Variants in CLVS1 observed in about 807,000 individuals in gnomAD.
CLVS1 encodes clavesin-1.
In CLVS1, 10 loss-of-function variants were observed where a neutral mutation model predicts 33.1. That is an observed-to-expected ratio of 0.30 (90% confidence interval 0.19 to 0.51). CLVS1 has a LOEUF of 0.51. Among genes scored for constraint, CLVS1 ranks in the 20% least tolerant of loss-of-function variants. CLVS1 has a pLI of 0.97. For synonymous variants in CLVS1, 163 were observed against 166.1 expected, an observed-to-expected ratio of 0.98 and a Z score of 0.14; for missense variants, 343 against 433.4, an observed-to-expected ratio of 0.79 and a Z score of 1.85.
rs1201610095 is a variant in CLVS1 at position 61,501,133 on chromosome 8, A to AAAT, written c.*1597_*1599dup. ...TTTGTGTAGACATACGAAATCACAA[A>AAAT]AATAATAACACTGAAATAATTCTAC... On this transcript the variant is annotated 3_prime_UTR_variant, in exon 6 of 6. Coordinates refer to ENST00000325897, the MANE Select transcript of CLVS1 (RefSeq NM_173519.3). 3.3e-5 allele frequency: 5 copies of AAAT among 152,226 alleles called. No homozygotes were observed. The highest frequency in any genetic ancestry group is 5.9e-5 in the Non-Finnish European group (4 of 68,018). The allele number at this position is 152,226 out of a possible 1,614,324, so 9.4% of individuals were successfully genotyped here. A position where few individuals can be genotyped will look rare whatever the true frequency, so the allele number is the denominator to read the frequency against.
chr8:61,287,992 C>T lies in CLVS1; in HGVS notation c.-298C>T. 2.4e-6 allele frequency: 1 copy of T among 413,192 alleles called. No individual in the cohort carries two copies. Among genetic ancestry groups the T allele is most frequent in the South Asian group, 1.8e-5 (1 of 55,306 alleles). 25.6% of individuals were successfully genotyped at this position (413,192 alleles called of 1,614,324 possible). On this transcript the variant is annotated 5_prime_UTR_variant, in exon 1 of 6. Coordinates refer to ENST00000325897, the MANE Select transcript of CLVS1 (RefSeq NM_173519.3). ...CACGCCTCCTACCAAAATCACAGCCCCTTGTGGAGCCCGAGCTCTCATTCA... is the reference window on the plus strand; with the variant it reads ...CACGCCTCCTACCAAAATCACAGCCTCTTGTGGAGCCCGAGCTCTCATTCA...
chr8:61,017,555 G>A, the CLVS1 span, among the ~76,000 whole-genome samples: 5 of 152,326 alleles, frequency 3.3e-5, no homozygotes, highest in South Asian at 2.1e-4. Flanking sequence ...GAATGAAGCC[G>A]TATTAGTGTA....
chr8:61,467,963 C>T (rs1817611273), intron 5 of CLVS1, among the ~76,000 whole-genome samples: 1 of 151,830 alleles, frequency 6.6e-6, no homozygotes, highest in South Asian at 2.1e-4. Flanking sequence ...CGCTGGCTAC[C>T]GAAAACATTG....
At chr8:61,216,853 T>C (rs1364624459) in intron 2 of CLVS1, among the ~76,000 whole-genome samples, 1 of 152,154 alleles carries the variant, frequency 6.6e-6, no homozygotes, top group Non-Finnish European at 1.5e-5. Flanking sequence ...GGTGTTCTTT[T>C]TTTATGTCAG....
chr8:61,052,425 G>T (rs984747390), upstream of CLVS1, among the ~76,000 whole-genome samples: 1 of 152,168 alleles, frequency 6.6e-6, no homozygotes, highest in African/African-American at 2.4e-5. Flanking sequence ...GGGTTTGCAG[G>T]GTTAGACAGG....
rs568097006 is a variant in CLVS1, at chr8:61,458,577, C to G, written c.977+35C>G. The G allele has an allele frequency of 2.1e-6, 3 of 1,397,544 alleles. No homozygotes were observed. The East Asian group carries it at 7.3e-5, about 34-fold the overall frequency. The allele number at this position is 1,397,544 out of a possible 1,614,324, so 86.6% of individuals were successfully genotyped here. On this transcript the variant is annotated intron_variant, in intron 5 of 5. Transcript: ENST00000325897. ...GGGTTATCAGAGCCCCCCCCCCAGT[C>G]AGAGGTCAATGGAATTTTTTATTTG...
intron 3 of CLVS1, among the ~76,000 whole-genome samples, chr8:61,409,227 C>G (rs1458399695): frequency 6.6e-6 from 1 of 152,130 alleles, no homozygotes; most frequent in African/African-American, 2.4e-5. Context: ...AAGAGGTAGT[C>G]AGCAAAATGT....
chr8:61,044,815 C>G, the CLVS1 span, among the ~76,000 whole-genome samples: 2 of 152,112 alleles, frequency 1.3e-5, no homozygotes, highest in Admixed American at 6.5e-5. Context: ...TGCATGGGTT[C>G]TGGGGAAGTG....
At chr8:61,432,952 A>T (rs1816170661) in intron 3 of CLVS1, among the ~76,000 whole-genome samples, 1 of 152,134 alleles carries the variant, frequency 6.6e-6, no homozygotes, top group Non-Finnish European at 1.5e-5. Context: ...AAAGGAAAAA[A>T]GGGGAGGAGG....
In CLVS1 at chr8:61,466,306, A is replaced by T. The variant is rs554270930; in HGVS notation, c.977+7764A>T. On this transcript the variant is annotated intron_variant, in intron 5 of 5. Transcript: ENST00000325897. The stretch of plus-strand genomic sequence containing the variant: ...ATTCTAGGGACTCAGTAATGGCCAC[A>T]AGAACCAGGTTCTCTCCACTGTGTC... 2.6e-5 allele frequency among the ~76,000 whole-genome samples: 4 copies of T among 152,326 alleles called. No individual in the cohort carries two copies. The East Asian group carries it at 7.7e-4, about 29-fold the overall frequency.
chr8:61,347,625 A>ATT (rs1812266297), intron 2 of CLVS1, among the ~76,000 whole-genome samples: 1 of 94,976 alleles, frequency 1.1e-5, no homozygotes, highest in Non-Finnish European at 2.0e-5. Flanking sequence ...TGGCCATTCC[A>ATT]TTATATATAT....
the CLVS1 span, among the ~76,000 whole-genome samples, chr8:61,027,300 T>A: frequency 6.6e-6 from 1 of 152,236 alleles, no homozygotes. Context: ...GATAAACTAT[T>A]CTCGCCCTGT....
the CLVS1 span, among the ~76,000 whole-genome samples, chr8:61,018,039 A>G: frequency 3.3e-5 from 5 of 152,216 alleles, no homozygotes; most frequent in Admixed American, 6.5e-5. Flanking sequence ...GGAAGATGAA[A>G]AAAGGAAGGG....
At position 61,345,511 on chromosome 8, in the gene CLVS1, A is replaced by C. The variant is rs76849929; in HGVS notation, c.456-31094A>C. ...ATGGGTGCTCAGGAGCAGAAGCAAC[A>C]ATTAAAAGTCCTGGCTGAGAAAGAA... On this transcript the variant is annotated intron_variant, in intron 2 of 5. Coordinates refer to ENST00000325897, the MANE Select transcript of CLVS1 (RefSeq NM_173519.3). Among the ~76,000 whole-genome samples, 178 of 152,196 alleles carry C rather than the reference A, an allele frequency of 1.2e-3. 1 individual carries two copies. The highest frequency in any genetic ancestry group is 3.9e-3 in the African/African-American group (161 of 41,536).
intron 2 of CLVS1, among the ~76,000 whole-genome samples, chr8:61,192,559 A>C (rs1807511429): frequency 6.6e-6 from 1 of 152,232 alleles, no homozygotes; most frequent in Non-Finnish European, 1.5e-5. Context: ...CAGCAAAAGA[A>C]ACTACCATCA....
At chr8:61,148,996 C>T (rs1429486316) in intron 2 of CLVS1, among the ~76,000 whole-genome samples, 2 of 151,964 alleles carry the variant, frequency 1.3e-5, no homozygotes, top group African/African-American at 4.8e-5. Context: ...ATTTATGGTC[C>T]CCATAAAAAG....
At chr8:61,364,077 G>A (rs1393968103) in intron 2 of CLVS1, among the ~76,000 whole-genome samples, 4 of 152,192 alleles carry the variant, frequency 2.6e-5, no homozygotes, top group African/African-American at 2.4e-5. Flanking sequence ...CTCACTTCTA[G>A]AAGAAGTGTT....
At chr8:61,485,034 GC>G (rs1288189696) in intron 5 of CLVS1, among the ~76,000 whole-genome samples, 1 of 152,190 alleles carries the variant, frequency 6.6e-6, no homozygotes, top group Non-Finnish European at 1.5e-5. Context: ...ATAGGCATGG[GC>G]AAGGACTTCT....
At position 61,232,023 on chromosome 8, in the gene CLVS1, G is replaced by GTTTGTTTGTTTGTTTGTTTTTTTT; in HGVS notation, c.-151-67651_-151-67650insGTTTGTTTGTTTGTTTTTTTTTTT. ...AGAAGGAGCCCTGAGGAAAGTTGTG[G>GTTTGTTTGTTTGTTTGTTTTTTTT]TTTTTTTTTTTTTTTTTTTTTTTTT... On this transcript the variant is annotated intron_variant, in intron 2 of 2. Transcript: ENST00000522621. 1.3e-3 allele frequency among the ~76,000 whole-genome samples: 81 copies of GTTTGTTTGTTTGTTTGTTTTTTTT among 62,652 alleles called. 10 individuals carry two copies. The highest frequency in any genetic ancestry group is 3.0e-3 in the African/African-American group (64 of 21,116). The allele number at this position is 62,652 out of a possible 152,430, so 41.1% of individuals were successfully genotyped here. A position where few individuals can be genotyped will look rare whatever the true frequency, so the allele number is the denominator to read the frequency against.
Sources: gnomAD v4.1 joint callset for allele counts (sites outside exome capture counted in the v4.1 genomes callset) on GRCh38, gnomAD v4.1.1 for gene constraint, MANE v1.5 for transcripts, NCBI Gene and HGNC (gene_info 2026-07-23, HGNC 2026-07-21) for gene names.